PCDHA11: variants seen among roughly 807,000 people sequenced by gnomAD.
PCDHA11 encodes protocadherin alpha 11, also known as protocadherin alpha-11.
A neutral mutation model predicts 70.3 loss-of-function variants in PCDHA11; 61 were observed. The ratio of observed to expected loss-of-function variants is 0.87; its 90% CI spans 0.71 to 1.07. The LOEUF (loss-of-function observed/expected upper bound fraction) is 1.07. PCDHA11 is among the 50% of genes least tolerant of loss of function. The probability of loss-of-function intolerance (pLI) is 0.00; values close to 1 mark genes in which losing one functional copy is unlikely to be tolerated. For synonymous variants in PCDHA11, 633 were observed against 555.1 expected (o/e 1.14, Z -1.97); for missense variants, 1,324 against 1,237.5 (o/e 1.07, Z -1.05).
At chr5:140,897,237 G>C (rs1188679482) in intron 1 of PCDHA11, among the ~76,000 whole-genome samples, 1 of 151,784 alleles carries the variant, frequency 6.6e-6, no homozygotes, top group African/African-American at 2.4e-5. Context: ...CAATGTGCAG[G>C]TTAGTTACAT....
At chr5:140,984,869 T>C (rs1587042657) in intron 3 of PCDHA11, among the ~76,000 whole-genome samples, 1 of 152,174 alleles carries the variant, frequency 6.6e-6, no homozygotes, top group East Asian at 1.9e-4. Flanking sequence ...ACCTATTTTA[T>C]TGAGTTACCA....
In PCDHA11 at chr5:141,012,192, T is replaced by TA. The variant is rs1424309622; in HGVS notation, c.*2256dup. 1 of 153,796 alleles carries TA rather than the reference T, an allele frequency of 6.5e-6. No homozygotes were observed. The highest frequency in any genetic ancestry group is 6.5e-5 in the Admixed American group (1 of 15,282). The allele number at this position is 153,796 out of a possible 1,614,324, so 9.5% of individuals were successfully genotyped here. ...AATGATGATAATTATAATGTATCTGTACAGCACTTTTTACATTTGCGAAGT... is the reference window on the plus strand; with the variant it reads ...AATGATGATAATTATAATGTATCTGTAACAGCACTTTTTACATTTGCGAAGT... On this transcript the variant is annotated 3_prime_UTR_variant, in exon 4 of 4. Transcript: ENST00000398640.
intron 1 of PCDHA11, chr5:140,876,741 G>C: frequency 6.2e-7 from 1 of 1,614,264 alleles, no homozygotes; most frequent in Non-Finnish European, 8.5e-7. Flanking sequence ...CCTATGAGCT[G>C]GTGGTGACTG....
At chr5:140,874,436 C>T (rs1407636354) in intron 1 of PCDHA11, among the ~76,000 whole-genome samples, 3 of 152,286 alleles carry the variant, frequency 2.0e-5, no homozygotes, top group East Asian at 3.9e-4. Flanking sequence ...GAAGCATGTC[C>T]TAACTACTAA....
At chr5:141,001,953 G>C (rs55743067) in intron 3 of PCDHA11, among the ~76,000 whole-genome samples, 27 of 152,290 alleles carry the variant, frequency 1.8e-4, no homozygotes, top group Non-Finnish European at 3.5e-4. Context: ...AAGGAGGAGG[G>C]AGAGGCGGGG....
chr5:140,879,806 T>C (rs2058125905), intron 1 of PCDHA11, among the ~76,000 whole-genome samples: 1 of 152,250 alleles, frequency 6.6e-6, no homozygotes, highest in Non-Finnish European at 1.5e-5. Context: ...CCAGTTTCTA[T>C]TGGCTGTTGG....
chr5:140,877,457 C>T lies in PCDHA11; in HGVS notation c.2391+5963C>T, dbSNP rs73263833. On this transcript the variant is annotated intron_variant, in intron 1 of 3. Coordinates refer to ENST00000398640, the MANE Select transcript of PCDHA11 (RefSeq NM_018902.5). ...CACGGTGAGCCCGCGCTGACGTCCACGGCCACGGTGCTGGTGTCGCTGGTG... is the reference window on the plus strand; with the variant it reads ...CACGGTGAGCCCGCGCTGACGTCCATGGCCACGGTGCTGGTGTCGCTGGTG... 1.0e-3 allele frequency: 1,615 copies of T among 1,613,806 alleles called. 8 individuals carry two copies. The African/African-American group carries it at 0.018, about 18-fold the overall frequency.
Position 140,869,089 on chromosome 5 carries a change from C to A in PCDHA11, c.-15C>A, listed in dbSNP as rs141432478. On this transcript the variant is annotated 5_prime_UTR_variant, in exon 1 of 4. Coordinates refer to ENST00000398640, the MANE Select transcript of PCDHA11 (RefSeq NM_018902.5). Reference sequence around the variant, plus strand: ...AGTGTAAAGAAGCTTATTTTGGAAGCCAATTTCGTATGCGATGTTTGGTTT... The same window carrying A: ...AGTGTAAAGAAGCTTATTTTGGAAGACAATTTCGTATGCGATGTTTGGTTT... 9.7e-5 allele frequency: 154 copies of A among 1,588,996 alleles called. No individual in the cohort carries two copies. The East Asian group carries it at 3.4e-3, about 35-fold the overall frequency.
chr5:140,919,231 C>T (rs984376374), intron 1 of PCDHA11, among the ~76,000 whole-genome samples: 1 of 152,160 alleles, frequency 6.6e-6, no homozygotes, highest in Admixed American at 6.6e-5. Context: ...TCTAGTAACA[C>T]TTTTTGTCTT....
chr5:140,889,232 C>T (rs1365146997), intron 1 of PCDHA11, among the ~76,000 whole-genome samples: 6 of 151,736 alleles, frequency 4.0e-5, no homozygotes, highest in African/African-American at 1.4e-4. Context: ...TTGAAAACTT[C>T]CAGAAAATTT....
In PCDHA11 at chr5:140,967,658, A is replaced by C. The variant is rs1554229743; in HGVS notation, c.2392-11291A>C. ...TGGTGAGCTCAGGTACTCCTTGAGC[A>C]GCTACACGTCGGACCGGGAGAGGCA... On this transcript the variant is annotated intron_variant, in intron 1 of 3. Coordinates refer to ENST00000398640, the MANE Select transcript of PCDHA11 (RefSeq NM_018902.5). 3 of 1,614,058 alleles carry C rather than the reference A, an allele frequency of 1.9e-6. No individual in the cohort carries two copies. The highest frequency in any genetic ancestry group is 1.7e-5 in the Admixed American group (1 of 60,008).
chr5:140,922,564 A>G (rs556829032), intron 1 of PCDHA11, among the ~76,000 whole-genome samples: 1 of 152,358 alleles, frequency 6.6e-6, no homozygotes, highest in South Asian at 2.1e-4. Context: ...AGTCAGGATG[A>G]CAAGTTGCCC....
chr5:140,967,595 G>A, intron 1 of PCDHA11: 1 of 1,614,168 alleles, frequency 6.2e-7, no homozygotes, highest in Non-Finnish European at 8.5e-7. Context: ...CACATTGGTG[G>A]TGAAGCTGAA....
intron 2 of PCDHA11, chr5:140,982,271 G>A: frequency 1.1e-6 from 1 of 930,566 alleles, no homozygotes; most frequent in South Asian, 1.9e-5. Flanking sequence ...TCCTGGAATA[G>A]TATAGCAGGC....
chr5:141,003,520 C>G (rs1171208921), intron 3 of PCDHA11, among the ~76,000 whole-genome samples: 2 of 152,244 alleles, frequency 1.3e-5, no homozygotes, highest in Middle Eastern at 3.4e-3. Flanking sequence ...ACCATGTTCC[C>G]TAGGCTGGTC....
chr5:140,901,168 C>G (rs782138220), intron 1 of PCDHA11, among the ~76,000 whole-genome samples: 8 of 152,010 alleles, frequency 5.3e-5, no homozygotes, highest in Non-Finnish European at 8.8e-5. Flanking sequence ...GTTGTCTCTT[C>G]ACTTTGTTGA....
At chr5:140,968,211 A>G (rs1039283745) in intron 1 of PCDHA11, 1 of 1,614,002 alleles carries the variant, frequency 6.2e-7, no homozygotes. Context: ...CAGGAGAACA[A>G]TTTGCCAGGT....
intron 1 of PCDHA11, chr5:140,966,328 C>T: frequency 5.1e-6 from 2 of 392,484 alleles, no homozygotes; most frequent in Non-Finnish European, 9.0e-6. Context: ...CGCTGGGATC[C>T]GGCAGGTCCA....
chr5:140,905,652 T>A (rs1554192111), intron 1 of PCDHA11, among the ~76,000 whole-genome samples: 1 of 152,240 alleles, frequency 6.6e-6, no homozygotes, highest in East Asian at 1.9e-4. Flanking sequence ...CAGTATTGAT[T>A]CCTGTCATCC....
Sources: gnomAD v4.1 joint callset for allele counts (sites outside exome capture counted in the v4.1 genomes callset) on GRCh38, gnomAD v4.1.1 for gene constraint, MANE v1.5 for transcripts, NCBI Gene and HGNC (gene_info 2026-07-23, HGNC 2026-07-21) for gene names.